The following ATP7B variants were observed in gnomAD, a reference collection of about 807,000 sequenced individuals.
ATP7B encodes the protein copper-transporting ATPase 2.
A neutral mutation model predicts 118.9 loss-of-function variants in ATP7B; 113 were observed. That is an observed-to-expected ratio of 0.95 (90% CI 0.82 to 1.11). The LOEUF is 1.11. Among genes scored for constraint, ATP7B ranks in the 50% most tolerant of loss-of-function variants. The pLI, the probability that ATP7B is intolerant of heterozygous loss-of-function variation, is 0.00. For missense variants in ATP7B, 1,867 were observed against 1,871.4 expected (o/e 1.00, Z 0.04); for synonymous variants, 777 against 727.4 (o/e 1.07, Z -1.10).
intron 1 of ATP7B, among the ~76,000 whole-genome samples, chr13:52,001,203 T>C (rs1953477056): frequency 6.6e-6 from 1 of 152,152 alleles, no homozygotes. Flanking sequence ...ACCTGCACTA[T>C]TGCTTAGAAT....
chr13:51,961,155 TC>T (rs1958714512), intron 6 of ATP7B, among the ~76,000 whole-genome samples: 1 of 151,828 alleles, frequency 6.6e-6, no homozygotes, highest in Admixed American at 6.6e-5. Flanking sequence ...AGATCTTATG[TC>T]CCCTGCTTGG....
At chr13:51,955,170 T>C (rs1017449403) in intron 9 of ATP7B, among the ~76,000 whole-genome samples, 24 of 152,200 alleles carry the variant, frequency 1.6e-4, no homozygotes, top group Admixed American at 4.6e-4. Flanking sequence ...GGCCTTCAGA[T>C]GGTGCCATGG....
At chr13:51,975,402 C>T (rs995925000) in intron 1 of ATP7B, 2 of 694,058 alleles carry the variant, frequency 2.9e-6, no homozygotes, top group Non-Finnish European at 5.3e-6. Flanking sequence ...AGTGAAATGT[C>T]GTTCTCACAC....
Position 51,970,544 on chromosome 13 carries a change from C to T in ATP7B, c.1491G>A (p.Met497Ile). 1 of 1,614,196 alleles carries T rather than the reference C, an allele frequency of 6.2e-7. No individual in the cohort carries two copies. Among genetic ancestry groups the T allele is most frequent in the Non-Finnish European group, 8.5e-7 (1 of 1,180,046 alleles). Residue 497 changes from methionine (M) to isoleucine (I), a missense_variant, in exon 3 of 21, where the codon ATG becomes ATA. Transcript: ENST00000242839. ...TGTTAGACACACAGGATGCACAGGT[C>T]ATGCCTTTGATCTGTAAGAAGCACT... Reference protein sequence around the residue: ...PQKCFLQIKGMTCASCVSNIE... With the variant: ...PQKCFLQIKGITCASCVSNIE...
intron 9 of ATP7B, among the ~76,000 whole-genome samples, chr13:51,957,176 G>C (rs1267299367): frequency 1.3e-5 from 2 of 152,054 alleles, no homozygotes; most frequent in African/African-American, 4.8e-5. Flanking sequence ...TTATCTCTCT[G>C]CCTGTCTGAA....
In ATP7B at chr13:51,977,231, A is replaced by ATT. The variant is rs56182396; in HGVS notation, c.52-2065_52-2064dup. On this transcript the variant is annotated intron_variant, in intron 1 of 20. Coordinates refer to ENST00000242839, the MANE Select transcript of ATP7B (RefSeq NM_000053.4). ...AACTTTTTTACTTCATAAACGTTTA[A>ATT]TTTTTTTTTTTTTTACTTTCGACTC... 1.8e-3 allele frequency among the ~76,000 whole-genome samples: 261 copies of ATT among 147,030 alleles called. 1 individual carries two copies. The highest frequency in any genetic ancestry group is 3.2e-3 in the South Asian group (15 of 4,660).
At chr13:52,005,443 C>A (rs1336148805) in intron 1 of ATP7B, among the ~76,000 whole-genome samples, 2 of 152,198 alleles carry the variant, frequency 1.3e-5, no homozygotes, top group African/African-American at 4.8e-5. Flanking sequence ...AACTGACCCA[C>A]GTTCTCTGCC....
intron 1 of ATP7B, among the ~76,000 whole-genome samples, chr13:52,004,029 G>C (rs964417816): frequency 5.3e-5 from 8 of 152,256 alleles, no homozygotes; most frequent in African/African-American, 1.9e-4. Flanking sequence ...AGGCCGAGGG[G>C]GGCGGATTAC....
At chr13:51,972,927 G>T (rs1446388249) in intron 2 of ATP7B, among the ~76,000 whole-genome samples, 1 of 152,130 alleles carries the variant, frequency 6.6e-6, no homozygotes, top group African/African-American at 2.4e-5. Context: ...GATCACCTGA[G>T]CCCAAAGGTT....
intron 1 of ATP7B, among the ~76,000 whole-genome samples, chr13:51,995,790 C>T (rs1454397363): frequency 1.3e-5 from 2 of 152,114 alleles, no homozygotes; most frequent in African/African-American, 2.4e-5. Flanking sequence ...TATCTACAAC[C>T]GTCCCAGCAC....
At chr13:51,967,091 T>G in intron 4 of ATP7B, 3 of 1,596,468 alleles carry the variant, frequency 1.9e-6, no homozygotes, top group Non-Finnish European at 2.6e-6. Context: ...GGGAAATTAG[T>G]GGTGGAGTGT....
At chr13:51,965,679 A>G (rs1271457613) in intron 4 of ATP7B, among the ~76,000 whole-genome samples, 1 of 152,216 alleles carries the variant, frequency 6.6e-6, no homozygotes, top group East Asian at 1.9e-4. Flanking sequence ...TGATGTATTC[A>G]GGCAAACATC....
intron 1 of ATP7B, among the ~76,000 whole-genome samples, chr13:51,993,658 T>G (rs1175839632): frequency 2.6e-5 from 4 of 152,212 alleles, no homozygotes; most frequent in Admixed American, 2.6e-4. Flanking sequence ...GTCCAGACCT[T>G]CAGACAACAC....
At chr13:51,960,459 AAAGT>A (rs1958659742) in intron 6 of ATP7B, 137 bp from the exon 7 acceptor site, 1 of 1,089,758 alleles carries the variant, frequency 9.2e-7, no homozygotes, top group South Asian at 1.4e-5. Context: ...GGTTAAAATG[AAAGT>A]AAGAACTCTC....
intron 2 of ATP7B, 68 bp downstream of exon 2, chr13:51,973,867 T>G (rs747415057): frequency 1.2e-6 from 2 of 1,602,900 alleles, no homozygotes; most frequent in Non-Finnish European, 8.5e-7. Flanking sequence ...TATACCACCA[T>G]CCAGGAGCTA....
Position 52,011,369 on chromosome 13 carries a change from T to C in ATP7B, c.-32A>G, listed in dbSNP as rs759260854. On this transcript the variant is annotated 5_prime_UTR_variant, in exon 1 of 21. Coordinates refer to ENST00000242839, the MANE Select transcript of ATP7B (RefSeq NM_000053.4). Reference sequence around the variant, plus strand: ...GCACGGACACCGAATTCTTCTCTGATCTGGCTCAGAGCAAAAGGTCACCTG... The same window carrying C: ...GCACGGACACCGAATTCTTCTCTGACCTGGCTCAGAGCAAAAGGTCACCTG... The C allele has an allele frequency of 6.2e-7, 1 of 1,614,032 alleles. No homozygotes were observed. The highest frequency in any genetic ancestry group is 8.5e-7 in the Non-Finnish European group (1 of 1,179,862).
chr13:52,000,284 G>T (rs560929029), intron 1 of ATP7B, among the ~76,000 whole-genome samples: 3 of 152,316 alleles, frequency 2.0e-5, no homozygotes, highest in African/African-American at 7.2e-5. Flanking sequence ...TCCGGTGAAG[G>T]CTGTTCTTTG....
intron 2 of ATP7B, among the ~76,000 whole-genome samples, chr13:51,972,529 T>A (rs1208921098): frequency 6.6e-6 from 1 of 152,062 alleles, no homozygotes; most frequent in Admixed American, 6.6e-5. Flanking sequence ...GCCCTCCCCA[T>A]CACACACCCC....
rs1958491684 is a variant in ATP7B, at chr13:51,958,347, G to A, written c.2319C>T (p.Phe773=). The A allele has an allele frequency of 6.2e-7, 1 of 1,614,086 alleles. No homozygotes were observed. Among genetic ancestry groups the A allele is most frequent in the African/African-American group, 1.3e-5 (1 of 74,930 alleles). The stretch of plus-strand genomic sequence containing the variant: ...GTTCCAGCCACCGGCCCAGGGCAAT[G>A]AACACAAAGAGCATGGGGGGCGTGT... ...FFDTPPMLFV[F]IALGRWLEHL... is the part of the protein sequence containing the mutation. The change falls in exon 8 of 21, where the codon TTC becomes TTT. Residue 773 remains phenylalanine (F), a synonymous_variant. Transcript: ENST00000242839.
Sources: allele counts gnomAD v4.1 joint callset (sites outside exome capture counted in the v4.1 genomes callset), GRCh38; gene constraint gnomAD v4.1.1; transcripts MANE v1.5; gene names NCBI Gene and HGNC (gene_info 2026-07-23, HGNC 2026-07-21).